The following FHIT variants were observed in gnomAD, a reference collection of about 807,000 sequenced individuals.
The protein encoded by FHIT is fragile histidine triad diadenosine triphosphatase.
In FHIT, 19 loss-of-function variants were observed where a neutral mutation model predicts 17.9. The observed-to-expected ratio is 1.06, with a 90% CI of 0.74 to 1.56. The LOEUF is 1.56. Among genes scored for constraint, FHIT ranks in the 40% most tolerant of loss-of-function variants. The pLI is 0.00. For synonymous variants in FHIT, 81 were observed against 69.7 expected, an observed-to-expected ratio of 1.16 and a Z score of -0.81; for missense variants, 248 against 189.2, an observed-to-expected ratio of 1.31 and a Z score of -1.82.
intron 1 of FHIT, among the ~76,000 whole-genome samples, chr3:61,212,447 A>C (rs1207248915): frequency 6.6e-6 from 1 of 152,218 alleles, no homozygotes; most frequent in Non-Finnish European, 1.5e-5. Context: ...AGAGAAGTTT[A>C]GAGAAAAAAT....
At chr3:61,032,234 G>A (rs1158375986) in intron 3 of FHIT, among the ~76,000 whole-genome samples, 1 of 152,138 alleles carries the variant, frequency 6.6e-6, no homozygotes, top group African/African-American at 2.4e-5. Context: ...TTGTCCACAT[G>A]AAACTTAAAG....
intron 7 of FHIT, among the ~76,000 whole-genome samples, chr3:59,947,108 T>C (rs1020847456): frequency 2.0e-5 from 3 of 152,200 alleles, no homozygotes; most frequent in South Asian, 2.1e-4. Context: ...TCTTTATATG[T>C]CTAGTAGAAT....
At chr3:59,894,974 A>G (rs1575656564) in intron 8 of FHIT, among the ~76,000 whole-genome samples, 1 of 152,220 alleles carries the variant, frequency 6.6e-6, no homozygotes, top group East Asian at 1.9e-4. Context: ...CTACACTGTC[A>G]TCAGACATCA....
intron 1 of FHIT, among the ~76,000 whole-genome samples, chr3:61,221,243 G>T (rs752911989): frequency 9.9e-5 from 15 of 152,202 alleles, no homozygotes; most frequent in Non-Finnish European, 2.1e-4. Context: ...TTTGCACAGG[G>T]ATGCCCTAAC....
At chr3:60,744,928 C>A (rs1277791799) in intron 4 of FHIT, among the ~76,000 whole-genome samples, 2 of 152,122 alleles carry the variant, frequency 1.3e-5, no homozygotes, top group African/African-American at 4.8e-5. Flanking sequence ...CAAGGTGAGT[C>A]AAAACAACCA....
chr3:60,967,214 G>A (rs1354837014), intron 3 of FHIT, among the ~76,000 whole-genome samples: 4 of 152,184 alleles, frequency 2.6e-5, no homozygotes, highest in Non-Finnish European at 2.9e-5. Context: ...TTCACTGGAT[G>A]AGAACATAAA....
At chr3:60,876,051 A>G (rs1553756435) in intron 3 of FHIT, among the ~76,000 whole-genome samples, 2 of 151,874 alleles carry the variant, frequency 1.3e-5, no homozygotes, top group Non-Finnish European at 2.9e-5. Flanking sequence ...CATATTATGA[A>G]CATAAATTTT....
intron 3 of FHIT, among the ~76,000 whole-genome samples, chr3:60,853,837 C>A (rs958464005): frequency 6.6e-6 from 1 of 152,044 alleles, no homozygotes; most frequent in Non-Finnish European, 1.5e-5. Flanking sequence ...TAACATTCAA[C>A]TGCAATGTAT....
intron 4 of FHIT, among the ~76,000 whole-genome samples, chr3:60,818,654 G>C (rs1449541941): frequency 6.6e-6 from 1 of 152,070 alleles, no homozygotes. Context: ...CTTTTTGTCT[G>C]AAAGTTTAGT....
chr3:60,643,773 C>A (rs2039785884), intron 4 of FHIT, among the ~76,000 whole-genome samples: 1 of 152,146 alleles, frequency 6.6e-6, no homozygotes, highest in South Asian at 2.1e-4. Flanking sequence ...TTCCTCCAAA[C>A]CAGAAAGGAA....
Position 60,997,398 on chromosome 3 carries a change from G to T in FHIT, c.-111+44649C>A, listed in dbSNP as rs561162392. 3.9e-5 allele frequency among the ~76,000 whole-genome samples: 6 copies of T among 152,016 alleles called. 1 individual carries two copies. The South Asian group carries it at 1.0e-3, about 26-fold the overall frequency. On this transcript the variant is annotated intron_variant, in intron 3 of 9. Transcript: ENST00000492590. ...AGTAGGTGTCAATATTTTACATAAA[G>T]ATCTAAATTTCTGACTTCTCTTAAA... is the stretch of plus-strand genomic sequence containing the variant.
chr3:60,015,901 G>C (rs1700326179), intron 5 of FHIT, among the ~76,000 whole-genome samples: 2 of 152,000 alleles, frequency 1.3e-5, no homozygotes, highest in Admixed American at 6.5e-5. Context: ...TTGCTTGTTT[G>C]CATGTTGCTC....
At chr3:60,024,507 G>A (rs1700664541) in intron 5 of FHIT, among the ~76,000 whole-genome samples, 5 of 152,164 alleles carry the variant, frequency 3.3e-5, no homozygotes, top group Admixed American at 3.3e-4. Context: ...TATTCATTCA[G>A]TAAATATTTG....
chr3:60,148,929 T>G, intron 5 of FHIT, among the ~76,000 whole-genome samples: 1 of 152,224 alleles, frequency 6.6e-6, no homozygotes, highest in East Asian at 1.9e-4. Flanking sequence ...TTCCCTGTTG[T>G]GCTTATTAGC....
In FHIT at chr3:60,917,377, C is replaced by G. The variant is rs547340958; in HGVS notation, c.-110-95366G>C. On this transcript the variant is annotated intron_variant, in intron 3 of 9. Coordinates refer to ENST00000492590, the MANE Select transcript of FHIT (RefSeq NM_002012.4). ...ACTGGCCACCTGCCTCTCTTCTTGTCCCCTTCAGCCTCTTCTTTACACAGC... is the reference window on the plus strand; with the variant it reads ...ACTGGCCACCTGCCTCTCTTCTTGTGCCCTTCAGCCTCTTCTTTACACAGC... 2.6e-5 allele frequency among the ~76,000 whole-genome samples: 4 copies of G among 152,354 alleles called. No homozygotes were observed. The South Asian group carries it at 6.2e-4, about 24-fold the overall frequency.
intron 4 of FHIT, among the ~76,000 whole-genome samples, chr3:60,652,453 T>C (rs1382898409): frequency 2.6e-5 from 4 of 151,324 alleles, no homozygotes; most frequent in Non-Finnish European, 2.9e-5. Context: ...ATACAAAAAG[T>C]AGGGCCAGGC....
chr3:60,180,065 A>G (rs1701858326), intron 5 of FHIT, among the ~76,000 whole-genome samples: 1 of 152,132 alleles, frequency 6.6e-6, no homozygotes, highest in South Asian at 2.1e-4. Flanking sequence ...GTAACCACAC[A>G]AACTGGGACA....
At chr3:60,458,584 GTAA>G (rs143805080) in intron 5 of FHIT, among the ~76,000 whole-genome samples, 20 of 150,740 alleles carry the variant, frequency 1.3e-4, no homozygotes, top group Admixed American at 2.6e-4. Flanking sequence ...AACTTAAAGT[GTAA>G]TAATAATAAT....
chr3:60,651,547 T>A (rs1161287938), intron 4 of FHIT, among the ~76,000 whole-genome samples: 2 of 152,032 alleles, frequency 1.3e-5, no homozygotes, highest in African/African-American at 4.8e-5. Flanking sequence ...CAATCTTTTT[T>A]TTTTTCAATA....
Sources: allele counts gnomAD v4.1 joint callset (sites outside exome capture counted in the v4.1 genomes callset), GRCh38; gene constraint gnomAD v4.1.1; transcripts MANE v1.5; gene names NCBI Gene and HGNC (gene_info 2026-07-23, HGNC 2026-07-21).